STK39: variants seen among roughly 807,000 people sequenced by gnomAD.
STK39 encodes serine/threonine kinase 39, also known as STE20/SPS1-related proline-alanine-rich protein kinase.
Under a neutral mutation model 77.8 loss-of-function variants are expected in STK39, and 20 were observed. The observed-to-expected ratio is 0.26, with a 90% confidence interval of 0.18 to 0.37. The LOEUF (loss-of-function observed/expected upper bound fraction) is 0.37, where lower values mean the gene tolerates loss of function less well. STK39 is among the 10% of genes least tolerant of loss of function. The pLI, the probability that STK39 is intolerant of heterozygous loss-of-function variation, is 1.00. For missense variants in STK39, 479 were observed against 656.5 expected (o/e 0.73, Z 2.95); for synonymous variants, 246 against 234.1 (o/e 1.05, Z -0.47).
chr2:168,010,968 A>G (rs929164349), intron 16 of STK39, among the ~76,000 whole-genome samples: 1 of 152,174 alleles, frequency 6.6e-6, no homozygotes, highest in African/African-American at 2.4e-5. Flanking sequence ...TTGGGGAAGG[A>G]CTTATTTTGA....
chr2:167,956,318 G>T (rs953694633), intron 17 of STK39, among the ~76,000 whole-genome samples: 7 of 152,176 alleles, frequency 4.6e-5, no homozygotes, highest in Non-Finnish European at 8.8e-5. Context: ...CAGCACTTTG[G>T]GGGGCCGAGG....
At chr2:168,052,940 G>A (rs949610081) in intron 14 of STK39, among the ~76,000 whole-genome samples, 3 of 152,190 alleles carry the variant, frequency 2.0e-5, no homozygotes, top group Non-Finnish European at 4.4e-5. Flanking sequence ...GGTGTCTGCT[G>A]CTACACAGAT....
chr2:168,060,154 T>TG (rs1186735655), intron 14 of STK39, among the ~76,000 whole-genome samples: 1 of 151,436 alleles, frequency 6.6e-6, no homozygotes, highest in Non-Finnish European at 1.5e-5. Flanking sequence ...ACTCCAACAA[T>TG]AATTTCTCAG....
chr2:168,226,517 A>C (rs1468564332), intron 1 of STK39, among the ~76,000 whole-genome samples: 1 of 152,262 alleles, frequency 6.6e-6, no homozygotes, highest in African/African-American at 2.4e-5. Context: ...TCATACAAAT[A>C]AACTTCATCA....
At chr2:168,013,288 G>A (rs1325163261) in intron 15 of STK39, among the ~76,000 whole-genome samples, 1 of 152,176 alleles carries the variant, frequency 6.6e-6, no homozygotes, top group African/African-American at 2.4e-5. Context: ...ATAAAATACC[G>A]TACTTTCTCA....
chr2:168,210,543 G>A (rs1183526724), intron 1 of STK39, among the ~76,000 whole-genome samples: 1 of 152,058 alleles, frequency 6.6e-6, no homozygotes, highest in Non-Finnish European at 1.5e-5. Flanking sequence ...GTTTTGAGAC[G>A]AAGTCTTGCT....
At chr2:168,195,065 G>A (rs1020436829) in intron 1 of STK39, among the ~76,000 whole-genome samples, 1 of 152,054 alleles carries the variant, frequency 6.6e-6, no homozygotes, top group Non-Finnish European at 1.5e-5. Flanking sequence ...TTGTTAAATT[G>A]ACATTTTCAC....
At chr2:168,244,104 T>C (rs1437909685) in intron 1 of STK39, among the ~76,000 whole-genome samples, 1 of 152,170 alleles carries the variant, frequency 6.6e-6, no homozygotes, top group Admixed American at 6.5e-5. Context: ...CTCCCTCCCA[T>C]CGATTTTACA....
At chr2:168,142,472 T>C (rs1688007528) in intron 5 of STK39, among the ~76,000 whole-genome samples, 1 of 152,178 alleles carries the variant, frequency 6.6e-6, no homozygotes, top group Non-Finnish European at 1.5e-5. Flanking sequence ...AAATTGATTA[T>C]TTTAAATGCA....
At chr2:168,146,913 G>A (rs921114507) in intron 5 of STK39, among the ~76,000 whole-genome samples, 1 of 152,162 alleles carries the variant, frequency 6.6e-6, no homozygotes, top group Non-Finnish European at 1.5e-5. Context: ...AAGAAAAGAG[G>A]AAGGAATAAA....
At chr2:167,960,299 C>G (rs897162326) in intron 17 of STK39, among the ~76,000 whole-genome samples, 12 of 144,918 alleles carry the variant, frequency 8.3e-5, no homozygotes, top group Non-Finnish European at 1.5e-4. Flanking sequence ...TCCCAGCCCC[C>G]CACTGCCTTG....
chr2:168,236,033 G>C (rs1371453410), intron 1 of STK39, among the ~76,000 whole-genome samples: 1 of 151,940 alleles, frequency 6.6e-6, no homozygotes, highest in Non-Finnish European at 1.5e-5. Context: ...TCGCCACACT[G>C]ACTTCCACAA....
At position 168,012,767 on chromosome 2, in the gene STK39, T is replaced by G. The variant is rs199686108; in HGVS notation, c.1430-65A>C. ...CATAAAAATCAACAACCCAGTACAA[T>G]GTAAAATATATATTTTTCATTTACT... On this transcript the variant is annotated intron_variant, in intron 15 of 17. Coordinates refer to ENST00000355999, the MANE Select transcript of STK39 (RefSeq NM_013233.3). 100 of 1,348,394 alleles carry G rather than the reference T, an allele frequency of 7.4e-5. No individual in the cohort carries two copies. In the East Asian group the frequency reaches 1.8e-3, roughly 25 times the overall value. The allele number at this position is 1,348,394 out of a possible 1,614,324, so 83.5% of individuals were successfully genotyped here.
At chr2:168,043,556 C>A (rs1003044881) in intron 14 of STK39, among the ~76,000 whole-genome samples, 2 of 152,222 alleles carry the variant, frequency 1.3e-5, no homozygotes, top group Admixed American at 6.5e-5. Flanking sequence ...ATTTTCTCTG[C>A]AAATTCTCCT....
chr2:168,067,561 T>C (rs1027315928), intron 12 of STK39, among the ~76,000 whole-genome samples: 2 of 152,026 alleles, frequency 1.3e-5, no homozygotes, highest in South Asian at 4.2e-4. Flanking sequence ...TCTTTTTTTT[T>C]TCCTAAATAA....
rs1684300339 is a variant in STK39, at chr2:168,012,648, T to C, written c.1484A>G (p.His495Arg). ...AAACAATTTACCTATAACTACATCG[T>C]GACCATCCACCAAGCCAGCAGAGAA... ...ELFSAGLVDGHDVVIVAANLQ... is the reference protein window; with the variant it reads ...ELFSAGLVDGRDVVIVAANLQ... Residue 495 changes from histidine (H) to arginine (R), a missense_variant, in exon 16 of 18, where the codon CAC becomes CGC. Around this residue, in one of 3 missense-constraint regions of STK39, gnomAD observed 244 missense variants for 296.8 expected, o/e 0.82. Transcript: ENST00000355999. 6.2e-7 allele frequency: 1 copy of C among 1,613,830 alleles called. No homozygotes were observed. Among genetic ancestry groups the C allele is most frequent in the Non-Finnish European group, 8.5e-7 (1 of 1,179,826 alleles).
intron 1 of STK39, among the ~76,000 whole-genome samples, chr2:168,222,430 T>C (rs971683847): frequency 1.2e-4 from 18 of 152,206 alleles, no homozygotes; most frequent in Admixed American, 1.0e-3. Context: ...AGTAAGAGGG[T>C]ATTTTTAGAA....
At chr2:168,015,949 A>G (rs1182846772) in intron 15 of STK39, among the ~76,000 whole-genome samples, 3 of 152,160 alleles carry the variant, frequency 2.0e-5, no homozygotes, top group Admixed American at 2.0e-4. Context: ...ATTTATTCAG[A>G]CAAAGTCTCG....
At chr2:168,181,871 T>C in intron 2 of STK39, 107 bp downstream of exon 2, 9 of 877,318 alleles carry the variant, frequency 1.0e-5, no homozygotes, top group Non-Finnish European at 1.6e-5. Context: ...TTCCAAGAAA[T>C]GCATATGTCA....
Sources: allele counts gnomAD v4.1 joint callset (sites outside exome capture counted in the v4.1 genomes callset), GRCh38; gene constraint gnomAD v4.1.1; regional missense constraint gnomAD v4.1.1; transcripts MANE v1.5; gene names NCBI Gene and HGNC (gene_info 2026-07-23, HGNC 2026-07-21).